The following SMOC2 variants were observed in gnomAD, a reference collection of about 807,000 sequenced individuals.
SMOC2 encodes SPARC related modular calcium binding 2.
Under a neutral mutation model 61.4 loss-of-function variants are expected in SMOC2, and 39 were observed. That is an observed-to-expected ratio of 0.64 (90% CI 0.49 to 0.83). SMOC2 has a LOEUF of 0.83. Among genes scored for constraint, SMOC2 ranks in the 40% least tolerant of loss-of-function variants. SMOC2 has a pLI of 0.00. For missense variants in SMOC2, 556 were observed against 592.9 expected (o/e 0.94, Z 0.65); for synonymous variants, 247 against 239.9 (o/e 1.03, Z -0.27).
At chr6:168,592,494 G>A (rs1422677734) in intron 7 of SMOC2, among the ~76,000 whole-genome samples, 1 of 57,710 alleles carries the variant, frequency 1.7e-5, no homozygotes, top group Non-Finnish European at 3.6e-5. Flanking sequence ...CTAGAGGATC[G>A]CGGAGCTCCT....
rs749617097 is a variant in SMOC2, at chr6:168,519,029, GTGTGTA to G, written c.257-7311_257-7306del. ...TGAGTATGCGTGCATGCGAACATGT[GTGTGTA>G]TGTGTGCATGTGTGAGCATGCATAT... On this transcript the variant is annotated intron_variant, in intron 2 of 12. Coordinates refer to ENST00000356284, the MANE Select transcript of SMOC2 (RefSeq NM_001166412.2). Among the ~76,000 whole-genome samples, 309 of 73,902 alleles carry G rather than the reference GTGTGTA, an allele frequency of 4.2e-3. 2 individuals are homozygous for G. Among genetic ancestry groups the G allele is most frequent in the Middle Eastern group, 0.019 (2 of 108 alleles). The allele number at this position is 73,902 out of a possible 152,430, so 48.5% of individuals were successfully genotyped here. A position where few individuals can be genotyped will look rare whatever the true frequency, so the allele number is the denominator to read the frequency against.
intron 1 of SMOC2, among the ~76,000 whole-genome samples, chr6:168,458,547 G>A (rs1781644841): frequency 6.6e-6 from 1 of 152,194 alleles, no homozygotes; most frequent in Non-Finnish European, 1.5e-5. Flanking sequence ...TGAGTTGTGT[G>A]TGATGTTGGT....
intron 2 of SMOC2, among the ~76,000 whole-genome samples, chr6:168,514,462 A>G (rs1783083335): frequency 6.6e-6 from 1 of 152,116 alleles, no homozygotes; most frequent in African/African-American, 2.4e-5. Flanking sequence ...AGCCAGGTAC[A>G]TGGCTTGAAG....
chr6:168,648,723 A>G (rs1032610115), intron 9 of SMOC2, among the ~76,000 whole-genome samples: 1 of 151,674 alleles, frequency 6.6e-6, no homozygotes, highest in African/African-American at 2.4e-5. Flanking sequence ...CACTCTCAGA[A>G]CCCCCCTGGT....
chr6:168,603,258 T>C (rs1785602599), intron 8 of SMOC2, among the ~76,000 whole-genome samples: 1 of 147,722 alleles, frequency 6.8e-6, no homozygotes, highest in African/African-American at 2.6e-5. Flanking sequence ...TTTTTTTTTT[T>C]TTTTTTTTAG....
intron 1 of SMOC2, among the ~76,000 whole-genome samples, chr6:168,490,183 A>G (rs1427579361): frequency 6.7e-6 from 1 of 148,900 alleles, no homozygotes; most frequent in Non-Finnish European, 1.5e-5. Context: ...GAAATATATC[A>G]AATTGTCTGG....
intron 1 of SMOC2, among the ~76,000 whole-genome samples, chr6:168,474,893 T>C (rs1309737070): frequency 6.6e-6 from 1 of 152,210 alleles, no homozygotes; most frequent in African/African-American, 2.4e-5. Flanking sequence ...ACTGCTAAAC[T>C]ACAGTTTCAT....
chr6:168,508,037 A>G (rs986333175), intron 1 of SMOC2, among the ~76,000 whole-genome samples: 2 of 152,078 alleles, frequency 1.3e-5, no homozygotes, highest in African/African-American at 4.8e-5. Flanking sequence ...CACGGTCCTC[A>G]GGTCAGGAGC....
chr6:168,455,982 C>T (rs889358173), intron 1 of SMOC2, among the ~76,000 whole-genome samples: 6 of 151,814 alleles, frequency 4.0e-5, no homozygotes, highest in Admixed American at 2.0e-4. Context: ...TGAAAGGGCG[C>T]GGCACTCAGG....
At chr6:168,504,925 A>G (rs1782827265) in intron 1 of SMOC2, among the ~76,000 whole-genome samples, 1 of 152,220 alleles carries the variant, frequency 6.6e-6, no homozygotes, top group South Asian at 2.1e-4. Flanking sequence ...GGGAGCAAGA[A>G]GTCGAAGACA....
chr6:168,645,203 A>G (rs1030413664), intron 9 of SMOC2, among the ~76,000 whole-genome samples: 1 of 152,228 alleles, frequency 6.6e-6, no homozygotes, highest in Non-Finnish European at 1.5e-5. Context: ...ACATCTTAGT[A>G]ACATTATTTC....
intron 11 of SMOC2, among the ~76,000 whole-genome samples, chr6:168,655,170 C>T (rs1167367024): frequency 1.4e-5 from 1 of 70,548 alleles, no homozygotes; most frequent in Non-Finnish European, 2.8e-5. Context: ...ACCAACCCTG[C>T]ACCTGAGCTC....
intron 1 of SMOC2, among the ~76,000 whole-genome samples, chr6:168,501,914 G>A (rs1015310848): frequency 2.0e-5 from 3 of 152,316 alleles, no homozygotes; most frequent in South Asian, 2.1e-4. Context: ...GGGTCTTCCC[G>A]CTGGCTGCAG....
intron 2 of SMOC2, among the ~76,000 whole-genome samples, chr6:168,512,260 G>A (rs1390876124): frequency 1.3e-5 from 2 of 152,154 alleles, no homozygotes; most frequent in African/African-American, 4.8e-5. Context: ...GCAGAACAGG[G>A]ATGGATGCAA....
At chr6:168,599,074 A>AC (rs1785411221) in intron 8 of SMOC2, 70 bp downstream of exon 8, 1 of 1,398,942 alleles carries the variant, frequency 7.1e-7, no homozygotes, top group Non-Finnish European at 9.7e-7. Flanking sequence ...GGAAAGCAGA[A>AC]CCCCCACTTC....
chr6:168,639,865 C>T (rs1786847212), intron 9 of SMOC2, among the ~76,000 whole-genome samples: 2 of 152,210 alleles, frequency 1.3e-5, no homozygotes, highest in South Asian at 4.1e-4. Flanking sequence ...GTTTGAATCC[C>T]TGGTGTGACC....
At chr6:168,611,574 G>C (rs1292682033) in intron 9 of SMOC2, among the ~76,000 whole-genome samples, 11 of 61,494 alleles carry the variant, frequency 1.8e-4, no homozygotes, top group Admixed American at 3.5e-4. Context: ...TGTGGCTCCC[G>C]TGTCGGGCCT....
At chr6:168,504,862 C>G (rs1782825248) in intron 1 of SMOC2, among the ~76,000 whole-genome samples, 1 of 152,184 alleles carries the variant, frequency 6.6e-6, no homozygotes. Context: ...TCAGTTTAAG[C>G]TGGGTCTGAC....
rs545735621 is a variant in SMOC2 at position 168,569,090 on chromosome 6, C to G, written c.637+19887C>G. Among the ~76,000 whole-genome samples the G allele has an allele frequency of 5.9e-5, 9 of 152,360 alleles. No individual in the cohort carries two copies. The South Asian group carries it at 1.7e-3, about 28-fold the overall frequency. On this transcript the variant is annotated intron_variant, in intron 7 of 12. Coordinates refer to ENST00000356284, the MANE Select transcript of SMOC2 (RefSeq NM_001166412.2). ...CTAAGAACACGATTGGTGGATGGTA[C>G]AGTAAAACTCTGTGTGTCTTCATAA...
Sources: allele counts gnomAD v4.1 joint callset (sites outside exome capture counted in the v4.1 genomes callset), GRCh38; gene constraint gnomAD v4.1.1; transcripts MANE v1.5; gene names NCBI Gene and HGNC (gene_info 2026-07-23, HGNC 2026-07-21).